Variants in SLC11A2 observed in about 807,000 individuals in gnomAD.
SLC11A2 encodes natural resistance-associated macrophage protein 2.
A neutral mutation model predicts 68.0 loss-of-function variants in SLC11A2; 38 were observed. That is an observed-to-expected ratio of 0.56 (90% CI 0.43 to 0.73). The LOEUF is 0.73. Among genes scored for constraint, SLC11A2 ranks in the 30% least tolerant of loss-of-function variants. SLC11A2 has a pLI of 0.00. For synonymous variants in SLC11A2, 242 were observed against 250.6 expected, an observed-to-expected ratio of 0.97 and a Z score of 0.32; for missense variants, 517 against 690.5, an observed-to-expected ratio of 0.75 and a Z score of 2.82.
downstream of SLC11A2, chr12:50,980,659 G>T (rs1939972713): frequency 6.6e-6 from 1 of 152,094 alleles, no homozygotes; most frequent in Non-Finnish European, 1.5e-5. Flanking sequence ...CATGCTACTT[G>T]GTATAAATAG....
the SLC11A2 span, chr12:50,953,966 C>A: frequency 8.0e-7 from 1 of 1,247,790 alleles, no homozygotes; most frequent in Non-Finnish European, 1.2e-6. Context: ...TCACGGCAAC[C>A]ACATTTATAT....
At chr12:50,992,155 A>G (rs1373313561) in intron 13 of SLC11A2, 35 bp downstream of exon 13, 4 of 1,611,536 alleles carry the variant, frequency 2.5e-6, no homozygotes, top group Admixed American at 1.7e-5. Context: ...TGCTACCTGA[A>G]TAACTAGGAT....
chr12:50,986,068 C>T lies in SLC11A2; in HGVS notation c.*2257G>A. 1 of 1,279,122 alleles carries T rather than the reference C, an allele frequency of 7.8e-7. No individual in the cohort carries two copies. Among genetic ancestry groups the T allele is most frequent in the South Asian group, 1.3e-5 (1 of 78,906 alleles). 79.2% of individuals were successfully genotyped at this position (1,279,122 alleles called of 1,614,324 possible). ...ATGGTTACTAAAAGCTCAGTTGTAA[C>T]CACTCCTAACACCACTAGCAGAACC... On this transcript the variant is annotated 3_prime_UTR_variant, in exon 16 of 16. Coordinates refer to ENST00000262052, the MANE Select transcript of SLC11A2 (RefSeq NM_000617.3).
intron 15 of SLC11A2, among the ~76,000 whole-genome samples, chr12:50,988,768 A>AGTGGT (rs1215701548): frequency 6.6e-6 from 1 of 152,072 alleles, no homozygotes; most frequent in Non-Finnish European, 1.5e-5. Context: ...GCTGGAGTAT[A>AGTGGT]GTGGTGCAAT....
chr12:50,961,919 A>G, the SLC11A2 span, among the ~76,000 whole-genome samples: 2 of 152,222 alleles, frequency 1.3e-5, no homozygotes, highest in Non-Finnish European at 2.9e-5. Context: ...GCCTTACTAC[A>G]AAGTTACAGT....
chr12:50,997,987 AAAAAAAAAAAAAG>A (rs1219454024), intron 8 of SLC11A2, among the ~76,000 whole-genome samples: 7 of 2,946 alleles, frequency 2.4e-3, no homozygotes, highest in Admixed American at 0.012. Flanking sequence ...ACTCCATCTC[AAAAAAAAAAAAAG>A]AAAAGAAAAA....
the SLC11A2 span, among the ~76,000 whole-genome samples, chr12:50,961,652 T>C: frequency 6.6e-6 from 1 of 152,218 alleles, no homozygotes; most frequent in Admixed American, 6.5e-5. Flanking sequence ...ATTGTCTTCA[T>C]TAATTCAGGT....
At chr12:50,955,327 C>T in the SLC11A2 span, among the ~76,000 whole-genome samples, 1 of 152,076 alleles carries the variant, frequency 6.6e-6, no homozygotes, top group Non-Finnish European at 1.5e-5. Context: ...TTATCCTTTC[C>T]CCACACATAT....
chr12:50,962,685 A>G, the SLC11A2 span, among the ~76,000 whole-genome samples: 3 of 152,210 alleles, frequency 2.0e-5, no homozygotes, highest in Non-Finnish European at 4.4e-5. Context: ...CATCAGAGCA[A>G]GACTCCATCT....
Position 50,987,357 on chromosome 12 carries a change from C to G in SLC11A2, c.*968G>C, listed in dbSNP as rs1414589608. ...ATCTTGGGCATGAAGCAGAGCGGTG[C>G]ATCAGAAAAACATGACGATTCTGCT... On this transcript the variant is annotated 3_prime_UTR_variant, in exon 16 of 16. Transcript: ENST00000262052. The G allele has an allele frequency of 7.8e-7, 1 of 1,287,058 alleles. No homozygotes were observed. The highest frequency in any genetic ancestry group is 1.0e-6 in the Non-Finnish European group (1 of 988,688). 79.7% of individuals were successfully genotyped at this position (1,287,058 alleles called of 1,614,324 possible).
chr12:50,996,680 T>C, intron 9 of SLC11A2, 137 bp downstream of exon 9: 1 of 841,458 alleles, frequency 1.2e-6, no homozygotes, highest in East Asian at 2.6e-5. Flanking sequence ...ATATGGAGTT[T>C]ATAAATGTCC....
intron 15 of SLC11A2, among the ~76,000 whole-genome samples, chr12:50,989,685 G>A (rs1412533716): frequency 6.6e-6 from 1 of 152,030 alleles, no homozygotes; most frequent in African/African-American, 2.4e-5. Context: ...TAGATCATAG[G>A]GTCAGTACAG....
At chr12:51,016,209 T>C (rs572488521) in intron 1 of SLC11A2, among the ~76,000 whole-genome samples, 38 of 152,278 alleles carry the variant, frequency 2.5e-4, no homozygotes, top group Non-Finnish European at 4.7e-4. Context: ...AAGACCAGCC[T>C]GGGCAACATA....
upstream of SLC11A2, among the ~76,000 whole-genome samples, chr12:51,027,569 G>T (rs531377989): frequency 1.3e-5 from 2 of 152,112 alleles, no homozygotes; most frequent in African/African-American, 4.8e-5. Flanking sequence ...CTACCCAAAA[G>T]CAATCCCACT....
At chr12:51,017,593 G>A (rs973648740) in intron 1 of SLC11A2, among the ~76,000 whole-genome samples, 15 of 152,210 alleles carry the variant, frequency 9.9e-5, no homozygotes, top group African/African-American at 3.1e-4. Flanking sequence ...AGTTTTACCA[G>A]ATACATGTAT....
At chr12:51,025,519 AT>A (rs1944322712) in intron 1 of SLC11A2, among the ~76,000 whole-genome samples, 1 of 152,246 alleles carries the variant, frequency 6.6e-6, no homozygotes, top group Non-Finnish European at 1.5e-5. Context: ...AGTCACTAAA[AT>A]TGAGGCCAGC....
At chr12:50,991,428 C>T in intron 14 of SLC11A2, 171 bp downstream of exon 14, 1 of 646,896 alleles carries the variant, frequency 1.5e-6, no homozygotes, top group South Asian at 1.8e-5. Context: ...GCTTTCTCTT[C>T]CTTTACTATA....
chr12:51,009,401 G>C (rs1943021304), intron 2 of SLC11A2: 1 of 803,192 alleles, frequency 1.2e-6, no homozygotes, highest in African/African-American at 1.8e-5. Context: ...GGGAGAAAAG[G>C]GATACCCTGC....
rs1940816992 is a variant in SLC11A2 at position 50,988,434 on chromosome 12, C to A, written c.1577G>T (p.Gly526Val). 2 of 1,613,790 alleles carry A rather than the reference C, an allele frequency of 1.2e-6. No homozygotes were observed. The highest frequency in any genetic ancestry group is 1.3e-5 in the African/African-American group (1 of 74,896). ...GCCCAGTGCAATCAAACATTGCCAA[C>A]CCTGAAAGACAAAATATGGTCATCA... is the stretch of plus-strand genomic sequence containing the variant. ...VAYLGFVFYL[G>V]WQCLIALGMS... is the part of the protein sequence containing the mutation. The change falls in exon 16 of 16, where the codon GGT (glycine) becomes GTT (valine). Residue 526 changes from glycine to valine, a missense_variant and splice_region_variant. Physicochemically the swap from Gly to Val is moderately radical, Grantham distance 109 (BLOSUM62 -3). Transcript: ENST00000262052.
Sources: allele counts gnomAD v4.1 joint callset (sites outside exome capture counted in the v4.1 genomes callset), GRCh38; gene constraint gnomAD v4.1.1; transcripts MANE v1.5; gene names NCBI Gene and HGNC (gene_info 2026-07-23, HGNC 2026-07-21).